THSD7A: variants seen among roughly 807,000 people sequenced by gnomAD.
The protein encoded by THSD7A is thrombospondin type-1 domain-containing protein 7A.
In THSD7A, 96 loss-of-function variants were observed where a neutral mutation model predicts 231.3. The ratio of observed to expected loss-of-function variants is 0.41; its 90% confidence interval spans 0.35 to 0.49. THSD7A has a LOEUF of 0.49. THSD7A is among the 20% of genes least tolerant of loss of function. THSD7A has a pLI of 0.05. For synonymous variants in THSD7A, 940 were observed against 743.3 expected (o/e 1.26, Z -4.30); for missense variants, 2,290 against 2,070.2 (o/e 1.11, Z -2.06).
In THSD7A at chr7:11,543,231, G is replaced by A. The variant is rs560091619; in HGVS notation, c.1454-114C>T. The A allele has an allele frequency of 6.2e-5, 53 of 854,364 alleles. No homozygotes were observed. In the African/African-American group the frequency reaches 8.4e-4, roughly 13 times the overall value. 52.9% of individuals were successfully genotyped at this position (854,364 alleles called of 1,614,324 possible). A position where few individuals can be genotyped will look rare whatever the true frequency, so the allele number is the denominator to read the frequency against. ...AAAATCCTTAAAGAAGTGCTACCAAGACATTATTCCAATGCTTCTCAGCCA... is the reference window on the plus strand; with the variant it reads ...AAAATCCTTAAAGAAGTGCTACCAAAACATTATTCCAATGCTTCTCAGCCA... On this transcript the variant is annotated intron_variant, in intron 4 of 27. Coordinates refer to ENST00000423059, the MANE Select transcript of THSD7A (RefSeq NM_015204.3).
At chr7:11,505,749 T>G (rs1196211886) in intron 6 of THSD7A, among the ~76,000 whole-genome samples, 2 of 152,082 alleles carry the variant, frequency 1.3e-5, no homozygotes, top group Non-Finnish European at 2.9e-5. Context: ...AGAAGTGAGG[T>G]TAGGATTCAG....
intron 1 of THSD7A, among the ~76,000 whole-genome samples, chr7:11,661,862 A>G (rs928629021): frequency 3.3e-5 from 5 of 151,352 alleles, no homozygotes; most frequent in African/African-American, 1.2e-4. Flanking sequence ...TACGAGTGTT[A>G]TCAATGGAAG....
chr7:11,737,331 C>A (rs1583241182), intron 1 of THSD7A, among the ~76,000 whole-genome samples: 1 of 151,860 alleles, frequency 6.6e-6, no homozygotes, highest in Non-Finnish European at 1.5e-5. Flanking sequence ...GGTGACACTT[C>A]TTTTGGGCTT....
At chr7:11,565,983 C>T (rs2128331956) in intron 4 of THSD7A, among the ~76,000 whole-genome samples, 1 of 152,216 alleles carries the variant, frequency 6.6e-6, no homozygotes, top group Middle Eastern at 3.4e-3. Flanking sequence ...TTAGGCTAAG[C>T]ATGAAGGCTG....
chr7:11,516,662 T>C (rs1409636971), intron 6 of THSD7A, among the ~76,000 whole-genome samples: 1 of 152,226 alleles, frequency 6.6e-6, no homozygotes, highest in Non-Finnish European at 1.5e-5. Flanking sequence ...ATTTGCTATT[T>C]GCTAACAATA....
At chr7:11,639,373 T>C (rs1293567806) in intron 1 of THSD7A, among the ~76,000 whole-genome samples, 1 of 152,102 alleles carries the variant, frequency 6.6e-6, no homozygotes, top group African/African-American at 2.4e-5. Flanking sequence ...GCACTATTAT[T>C]AATAGTTGTG....
At chr7:11,499,768 G>C (rs1787255795) in intron 6 of THSD7A, among the ~76,000 whole-genome samples, 1 of 152,134 alleles carries the variant, frequency 6.6e-6, no homozygotes, top group African/African-American at 2.4e-5. Flanking sequence ...CAAAAATAAA[G>C]AACAACTATT....
intron 6 of THSD7A, among the ~76,000 whole-genome samples, chr7:11,522,974 C>G (rs917209491): frequency 1.3e-5 from 2 of 151,982 alleles, no homozygotes; most frequent in Non-Finnish European, 2.9e-5. Flanking sequence ...TCCAAAGGAA[C>G]CAAAATGATT....
intron 11 of THSD7A, among the ~76,000 whole-genome samples, chr7:11,448,552 G>A (rs1785047948): frequency 6.6e-6 from 1 of 152,108 alleles, no homozygotes; most frequent in African/African-American, 2.4e-5. Flanking sequence ...AAATCGAGGT[G>A]AAGGAGCCTG....
intron 1 of THSD7A, among the ~76,000 whole-genome samples, chr7:11,805,829 A>G (rs996471419): frequency 6.6e-6 from 1 of 152,148 alleles, no homozygotes; most frequent in African/African-American, 2.4e-5. Flanking sequence ...TATTTTTAAA[A>G]TATGGCTCAG....
At chr7:11,762,889 C>A (rs959160584) in intron 1 of THSD7A, among the ~76,000 whole-genome samples, 13 of 152,140 alleles carry the variant, frequency 8.5e-5, no homozygotes, top group African/African-American at 3.1e-4. Context: ...CCAAAGAAAT[C>A]TACAGATTCA....
chr7:11,622,732 G>C (rs1325510705), intron 2 of THSD7A, among the ~76,000 whole-genome samples: 1 of 152,046 alleles, frequency 6.6e-6, no homozygotes, highest in Non-Finnish European at 1.5e-5. Flanking sequence ...ATCTAAAATT[G>C]TCCCACTCAA....
At chr7:11,756,769 G>A (rs1782691841) in intron 1 of THSD7A, among the ~76,000 whole-genome samples, 1 of 151,996 alleles carries the variant, frequency 6.6e-6, no homozygotes, top group South Asian at 2.1e-4. Flanking sequence ...CTACAGAGTT[G>A]AAAATACAGA....
intron 4 of THSD7A, among the ~76,000 whole-genome samples, chr7:11,588,083 T>C (rs1404176403): frequency 6.6e-6 from 1 of 152,186 alleles, no homozygotes; most frequent in Non-Finnish European, 1.5e-5. Context: ...TGTCTTCTTA[T>C]TAGCTGGGGG....
intron 1 of THSD7A, among the ~76,000 whole-genome samples, chr7:11,661,604 A>C (rs1782932928): frequency 6.6e-6 from 1 of 151,312 alleles, no homozygotes; most frequent in Non-Finnish European, 1.5e-5. Context: ...TTGGAGGAAT[A>C]GGAGAAAATC....
chr7:11,561,825 T>G (rs1277426650), intron 4 of THSD7A, among the ~76,000 whole-genome samples: 1 of 152,042 alleles, frequency 6.6e-6, no homozygotes, highest in Non-Finnish European at 1.5e-5. Flanking sequence ...CATTCCAGCT[T>G]GGGCAACAGA....
intron 23 of THSD7A, among the ~76,000 whole-genome samples, chr7:11,398,796 G>C (rs1012630236): frequency 1.3e-5 from 2 of 152,164 alleles, no homozygotes; most frequent in Non-Finnish European, 1.5e-5. Flanking sequence ...AGCCAGCCCT[G>C]ATCAGTGAGG....
chr7:11,672,696 TAA>T (rs1017859438), intron 1 of THSD7A, among the ~76,000 whole-genome samples: 3 of 152,164 alleles, frequency 2.0e-5, no homozygotes, highest in African/African-American at 7.2e-5. Flanking sequence ...AATCATTTAA[TAA>T]AAAAAGTTCT....
chr7:11,486,370 C>T (rs1309823684), intron 6 of THSD7A, among the ~76,000 whole-genome samples: 1 of 152,218 alleles, frequency 6.6e-6, no homozygotes, highest in Admixed American at 6.5e-5. Context: ...TTATACTCCT[C>T]TATTTGGAGA....
Sources: allele counts gnomAD v4.1 joint callset (sites outside exome capture counted in the v4.1 genomes callset), GRCh38; gene constraint gnomAD v4.1.1; transcripts MANE v1.5; gene names NCBI Gene and HGNC (gene_info 2026-07-23, HGNC 2026-07-21).